SLC28A3: variants seen among roughly 807,000 people sequenced by gnomAD.
SLC28A3 encodes concentrative Na(+)-nucleoside cotransporter 3.
In SLC28A3, 68 loss-of-function variants were observed where a neutral mutation model predicts 84.2. The ratio of observed to expected loss-of-function variants is 0.81; its 90% CI spans 0.66 to 0.99. The LOEUF (loss-of-function observed/expected upper bound fraction) is 0.99, where lower values mean the gene tolerates loss of function less well. Among genes scored for constraint, SLC28A3 ranks in the 50% least tolerant of loss-of-function variants. The pLI, the probability that SLC28A3 is intolerant of heterozygous loss-of-function variation, is 0.00. For synonymous variants in SLC28A3, 267 were observed against 303.6 expected (o/e 0.88, Z 1.25); for missense variants, 712 against 841.5 (o/e 0.85, Z 1.90).
At chr9:84,324,181 C>T (rs1826472115) in intron 1 of SLC28A3, among the ~76,000 whole-genome samples, 1 of 152,142 alleles carries the variant, frequency 6.6e-6, no homozygotes, top group Non-Finnish European at 1.5e-5. Context: ...GTGCTCCCAA[C>T]TTGTTTTATC....
Position 84,330,884 on chromosome 9 carries a change from C to T in SLC28A3, c.60+9690G>A, listed in dbSNP as rs528334718. On this transcript the variant is annotated intron_variant, in intron 1 of 17. Coordinates refer to ENST00000376238, the MANE Select transcript of SLC28A3 (RefSeq NM_001199633.2). ...GGGCTTGCAGAAAAGTTTTAAATTA[C>T]ATATCTGGCTAGTGTTACATATTAG... 7.6e-4 allele frequency among the ~76,000 whole-genome samples: 115 copies of T among 152,222 alleles called. 1 individual carries two copies. Among genetic ancestry groups the T allele is most frequent in the African/African-American group, 2.6e-3 (108 of 41,546 alleles).
chr9:84,322,736 T>C (rs1302875827), intron 1 of SLC28A3, among the ~76,000 whole-genome samples: 26 of 152,150 alleles, frequency 1.7e-4, no homozygotes, highest in Non-Finnish European at 5.9e-5. Context: ...TCCCAGCTAC[T>C]TGGGAGACAT....
the SLC28A3 span, among the ~76,000 whole-genome samples, chr9:84,351,402 T>TA: frequency 6.6e-6 from 1 of 152,196 alleles, no homozygotes; most frequent in African/African-American, 2.4e-5. Context: ...CTCATGCCTG[T>TA]AATCCCAGCA....
chr9:84,321,471 C>T (rs1286067719), intron 1 of SLC28A3, among the ~76,000 whole-genome samples: 2 of 151,978 alleles, frequency 1.3e-5, no homozygotes, highest in African/African-American at 2.4e-5. Context: ...CAGTGGCTCA[C>T]GCCTGTAATC....
intron 12 of SLC28A3, among the ~76,000 whole-genome samples, chr9:84,286,703 C>T (rs1825004717): frequency 6.6e-6 from 1 of 152,018 alleles, no homozygotes. Context: ...GCTAATGATT[C>T]AAAACCAACA....
rs1825072175 is a variant in SLC28A3 at position 84,288,157 on chromosome 9, T to C, written c.1171A>G (p.Thr391Ala). ...SFGVPSSHLL[T>A]ASVMSAPASL... is the part of the protein sequence containing the mutation. Reference sequence around the variant, plus strand: ...GCAGGTGCTGACATAACTGACGCTGTTAACAAGTGGGAGGATGGAACCTGC... The same window carrying C: ...GCAGGTGCTGACATAACTGACGCTGCTAACAAGTGGGAGGATGGAACCTGC... Residue 391 changes from threonine to alanine, a missense_variant, in exon 12 of 18, where the codon ACA becomes GCA. Coordinates refer to ENST00000376238, the MANE Select transcript of SLC28A3 (RefSeq NM_001199633.2). 1.2e-6 allele frequency: 2 copies of C among 1,614,032 alleles called. No individual in the cohort carries two copies. Among genetic ancestry groups the C allele is most frequent in the Non-Finnish European group, 1.7e-6 (2 of 1,179,924 alleles).
the SLC28A3 span, among the ~76,000 whole-genome samples, chr9:84,368,428 T>G: frequency 6.6e-5 from 10 of 152,116 alleles, no homozygotes; most frequent in Non-Finnish European, 1.0e-4. Context: ...ATCTCTCTTC[T>G]TTTCCCCCAC....
chr9:84,312,660 T>A (rs1319475989), intron 2 of SLC28A3, among the ~76,000 whole-genome samples: 1 of 150,996 alleles, frequency 6.6e-6, no homozygotes, highest in Non-Finnish European at 1.5e-5. Flanking sequence ...TGCCTCAGCC[T>A]CCAGAGTAGC....
At chr9:84,346,063 CTG>C in the SLC28A3 span, among the ~76,000 whole-genome samples, 1 of 152,336 alleles carries the variant, frequency 6.6e-6, no homozygotes, top group East Asian at 1.9e-4. Context: ...AACTAAAAAA[CTG>C]TCTCTTAACT....
intron 15 of SLC28A3, 111 bp downstream of exon 15, chr9:84,280,690 T>G (rs913437267): frequency 1.0e-6 from 1 of 995,602 alleles, no homozygotes; most frequent in Non-Finnish European, 1.5e-6. Context: ...AGAGGACTCA[T>G]GACTGTTGCA....
chr9:84,347,152 G>A, the SLC28A3 span, among the ~76,000 whole-genome samples: 7,975 of 144,994 alleles, frequency 0.055, 435 homozygotes, highest in East Asian at 0.18. Flanking sequence ...GTTGCAGTGA[G>A]CTGAGATCAC....
the SLC28A3 span, among the ~76,000 whole-genome samples, chr9:84,346,024 A>G: frequency 1.3e-5 from 2 of 152,220 alleles, no homozygotes; most frequent in African/African-American, 4.8e-5. Context: ...ATGCAGAGTC[A>G]TTATTTGTGA....
Position 84,279,869 on chromosome 9 carries a change from C to A in SLC28A3, c.1828+106G>T, listed in dbSNP as rs1824671409. On this transcript the variant is annotated intron_variant, in intron 16 of 17. Coordinates refer to ENST00000376238, the MANE Select transcript of SLC28A3 (RefSeq NM_001199633.2). ...GCTTAAGAGCAGCTCTAACTCTCAG[C>A]TTTCTGTGGCAGCGTGTGCTGCACA... 2.8e-6 allele frequency: 3 copies of A among 1,076,784 alleles called. No homozygotes were observed. The African/African-American group carries it at 4.7e-5, about 17-fold the overall frequency. 66.7% of individuals were successfully genotyped at this position (1,076,784 alleles called of 1,614,324 possible). A position where few individuals can be genotyped will look rare whatever the true frequency, so the allele number is the denominator to read the frequency against.
intron 16 of SLC28A3, 84 bp downstream of exon 16, chr9:84,279,891 C>T (rs1824672720): frequency 1.5e-6 from 2 of 1,319,274 alleles, no homozygotes; most frequent in Non-Finnish European, 2.1e-6. Flanking sequence ...GCGTGTGCTG[C>T]ACATGCAAGC....
intron 14 of SLC28A3, among the ~76,000 whole-genome samples, chr9:84,282,745 G>A (rs1197280059): frequency 6.6e-6 from 1 of 152,174 alleles, no homozygotes; most frequent in Non-Finnish European, 1.5e-5. Flanking sequence ...AGGTACCCAC[G>A]TGACTGAAGC....
intron 3 of SLC28A3, among the ~76,000 whole-genome samples, chr9:84,306,076 C>T (rs1825778817): frequency 6.6e-6 from 1 of 152,062 alleles, no homozygotes; most frequent in Non-Finnish European, 1.5e-5. Flanking sequence ...AGGCCAGGGT[C>T]ATAGCCACAT....
intron 11 of SLC28A3, 106 bp from the exon 12 acceptor site, chr9:84,288,284 T>C (rs1426802953): frequency 6.7e-7 from 1 of 1,496,974 alleles, no homozygotes; most frequent in East Asian, 2.3e-5. Context: ...AGGGGTTGTT[T>C]CTATTCCAGA....
At chr9:84,350,838 A>G in the SLC28A3 span, among the ~76,000 whole-genome samples, 1 of 152,050 alleles carries the variant, frequency 6.6e-6, no homozygotes, top group Non-Finnish European at 1.5e-5. Context: ...TCAGCCTCCC[A>G]GGTAGCTGTG....
At chr9:84,342,727 T>G (rs1827190132), upstream of SLC28A3, among the ~76,000 whole-genome samples, 1 of 152,250 alleles carries the variant, frequency 6.6e-6, no homozygotes, top group South Asian at 2.1e-4. Context: ...AAGTGAATTT[T>G]AAAGGAAAAG....
Sources: allele counts gnomAD v4.1 joint callset (sites outside exome capture counted in the v4.1 genomes callset), GRCh38; gene constraint gnomAD v4.1.1; transcripts MANE v1.5; gene names NCBI Gene and HGNC (gene_info 2026-07-23, HGNC 2026-07-21).